The following CREM variants were observed in gnomAD, a reference collection of about 807,000 sequenced individuals.
The protein encoded by CREM is cAMP responsive element modulator.
A neutral mutation model predicts 37.3 loss-of-function variants in CREM; 13 were observed. That is an observed-to-expected ratio of 0.35 (90% CI 0.23 to 0.55). The LOEUF is 0.55. Ranked by LOEUF, CREM falls within the 20% of genes least tolerant of loss-of-function variation. The pLI is 0.88. For synonymous variants in CREM, 124 were observed against 120.2 expected (o/e 1.03, Z -0.21); for missense variants, 296 against 362.3 (o/e 0.82, Z 1.49).
chr10:35,170,982 T>C (rs1564869212), intron 3 of CREM, among the ~76,000 whole-genome samples: 1 of 152,106 alleles, frequency 6.6e-6, no homozygotes, highest in Non-Finnish European at 1.5e-5. Context: ...TTCTCAGCCT[T>C]TATTTTAGCA....
chr10:35,178,802 G>A (rs750574213), intron 3 of CREM, 87 bp from the exon 4 acceptor site: 33 of 996,578 alleles, frequency 3.3e-5, no homozygotes, highest in Non-Finnish European at 4.6e-5. Context: ...GCTCAGTGCT[G>A]CACACACAGA....
Position 35,165,400 on chromosome 10 carries a change from T to C in CREM, c.169-13489T>C, listed in dbSNP as rs1248100476. Among the ~76,000 whole-genome samples the C allele has an allele frequency of 2.0e-5, 3 of 152,176 alleles. No homozygotes were observed. The East Asian group carries it at 5.8e-4, about 29-fold the overall frequency. ...AGGCCCCACCTCCAACATTGAGGATTATATTTCAACATGAGATTGGGAGCG... is the reference window on the plus strand; with the variant it reads ...AGGCCCCACCTCCAACATTGAGGATCATATTTCAACATGAGATTGGGAGCG... On this transcript the variant is annotated intron_variant, in intron 3 of 7. Transcript: ENST00000685392.
intron 3 of CREM, among the ~76,000 whole-genome samples, chr10:35,173,889 A>T (rs1464227516): frequency 1.3e-5 from 2 of 152,214 alleles, no homozygotes; most frequent in Admixed American, 1.3e-4. Context: ...CCTGAGACTA[A>T]AATATTTGAG....
At chr10:35,184,496 G>A (rs1590093912) in intron 5 of CREM, among the ~76,000 whole-genome samples, 2 of 152,124 alleles carry the variant, frequency 1.3e-5, no homozygotes, top group East Asian at 3.8e-4. Context: ...TCAATGGGAA[G>A]GTCCTCTGTC....
rs144237779 is a variant in CREM at position 35,195,040 on chromosome 10, G to A, written c.598+6652G>A. On this transcript the variant is annotated intron_variant, in intron 6 of 7. Coordinates refer to ENST00000685392, the MANE Select transcript of CREM (RefSeq NM_183011.2). Reference sequence around the variant, plus strand: ...GGCTTGGGTTTCAGTGAGCTCGCCTGTGACAAAGCAAATTGATGGCAGTGA... The same window carrying A: ...GGCTTGGGTTTCAGTGAGCTCGCCTATGACAAAGCAAATTGATGGCAGTGA... The A allele has an allele frequency of 7.0e-6, 5 of 713,986 alleles. No homozygotes were observed. The African/African-American group carries it at 7.4e-5, about 11-fold the overall frequency. The allele number at this position is 713,986 out of a possible 1,614,324, so 44.2% of individuals were successfully genotyped here.
chr10:35,180,632 A>G (rs1385356075), intron 5 of CREM, among the ~76,000 whole-genome samples: 1 of 152,222 alleles, frequency 6.6e-6, no homozygotes, highest in East Asian at 1.9e-4. Flanking sequence ...ACCATCTGTA[A>G]GAAATAGACC....
chr10:35,132,170 C>T (rs1192561892), intron 1 of CREM, among the ~76,000 whole-genome samples: 2 of 142,062 alleles, frequency 1.4e-5, no homozygotes, highest in African/African-American at 2.6e-5. Flanking sequence ...TACTGCACTC[C>T]ATCCTGGGTG....
chr10:35,176,982 A>G (rs2094121991), intron 3 of CREM, among the ~76,000 whole-genome samples: 2 of 152,154 alleles, frequency 1.3e-5, no homozygotes, highest in East Asian at 1.9e-4. Flanking sequence ...TGCATTTTTT[A>G]AAGTATGCAT....
intron 3 of CREM, among the ~76,000 whole-genome samples, chr10:35,159,275 G>GAA (rs148739569): frequency 6.9e-6 from 1 of 145,924 alleles, no homozygotes; most frequent in Non-Finnish European, 1.5e-5. Flanking sequence ...TGTCATGCAG[G>GAA]AAAAAAAAAA....
chr10:35,175,876 C>G (rs1300475817), intron 3 of CREM: 1 of 1,564,756 alleles, frequency 6.4e-7, no homozygotes, highest in South Asian at 1.2e-5. Context: ...GATCAGGCAC[C>G]AGAAGAGGCT....
At chr10:35,129,622 G>C (rs2088904981) in intron 1 of CREM, among the ~76,000 whole-genome samples, 1 of 152,180 alleles carries the variant, frequency 6.6e-6, no homozygotes, top group South Asian at 2.1e-4. Context: ...GCTCTCAAAT[G>C]TCCTGTTCCT....
chr10:35,143,361 G>T (rs1048684675), intron 2 of CREM, among the ~76,000 whole-genome samples: 1 of 152,176 alleles, frequency 6.6e-6, no homozygotes, highest in Non-Finnish European at 1.5e-5. Context: ...AAAGTGGTGT[G>T]GAGATCTCAG....
Position 35,188,480 on chromosome 10 carries a change from G to A in CREM, c.598+92G>A, listed in dbSNP as rs185832092. The A allele has an allele frequency of 3.9e-4, 455 of 1,164,780 alleles. 2 individuals are homozygous for A. Among genetic ancestry groups the A allele is most frequent in the Middle Eastern group, 3.3e-3 (11 of 3,384 alleles). The allele number at this position is 1,164,780 out of a possible 1,614,324, so 72.2% of individuals were successfully genotyped here. ...ATTTTATAGTTTTTTGAAATAGATC[G>A]AAGGTAGATGGTGGGGGGTTGGGAG... On this transcript the variant is annotated intron_variant, in intron 6 of 7. Transcript: ENST00000685392.
intron 6 of CREM, among the ~76,000 whole-genome samples, chr10:35,199,527 A>G (rs1182924682): frequency 6.6e-6 from 1 of 152,240 alleles, no homozygotes; most frequent in Non-Finnish European, 1.5e-5. Context: ...CAAAGAAACT[A>G]TCAGATTGTG....
rs774939676 is a variant in CREM, at chr10:35,179,242, A to G, written c.375A>G (p.Pro125=). The change falls in exon 5 of 8, where the codon CCA becomes CCG. Residue 125 remains proline, a synonymous_variant. Coordinates refer to ENST00000685392, the MANE Select transcript of CREM (RefSeq NM_183011.2). ...TPPSIATMAV[P]TSIYQTSTGQ... is the part of the protein sequence containing the mutation. ...CTAGTATTGCTACCATGGCAGTACC[A>G]ACTAGCATATATCAGACTAGCACGG... The G allele has an allele frequency of 6.2e-7, 1 of 1,613,944 alleles. No homozygotes were observed. Among genetic ancestry groups the G allele is most frequent in the Non-Finnish European group, 8.5e-7 (1 of 1,179,904 alleles).
rs187479788 is a variant in CREM, at chr10:35,153,061, C to G, written c.168+4570C>G. On this transcript the variant is annotated intron_variant, in intron 3 of 7. Coordinates refer to ENST00000685392, the MANE Select transcript of CREM (RefSeq NM_183011.2). Reference sequence around the variant, plus strand: ...TCAAGACCAGCTTGAGAGCTTGTCTCTTTAATAAAAAATAAATTAATACAA... The same window carrying G: ...TCAAGACCAGCTTGAGAGCTTGTCTGTTTAATAAAAAATAAATTAATACAA... Among the ~76,000 whole-genome samples the G allele has an allele frequency of 5.3e-3, 773 of 147,084 alleles. 6 individuals carry two copies. The highest frequency in any genetic ancestry group is 5.8e-3 in the Non-Finnish European group (383 of 65,614).
chr10:35,197,970 A>G (rs1315193901), intron 6 of CREM, among the ~76,000 whole-genome samples: 1 of 152,174 alleles, frequency 6.6e-6, no homozygotes. Flanking sequence ...CTATGTGTGT[A>G]TGTACCCTAC....
chr10:35,129,848 ATAGT>A (rs1203353697), intron 1 of CREM, among the ~76,000 whole-genome samples: 1 of 152,220 alleles, frequency 6.6e-6, no homozygotes, highest in Non-Finnish European at 1.5e-5. Context: ...AGCTTTGAAA[ATAGT>A]TATTATTGTA....
intron 5 of CREM, among the ~76,000 whole-genome samples, chr10:35,182,209 A>G (rs2133289839): frequency 6.6e-6 from 1 of 152,304 alleles, no homozygotes; most frequent in Non-Finnish European, 1.5e-5. Context: ...ATCCATTTTT[A>G]TTGATCTTAT....
Sources: gnomAD v4.1 joint callset for allele counts (sites outside exome capture counted in the v4.1 genomes callset) on GRCh38, gnomAD v4.1.1 for gene constraint, MANE v1.5 for transcripts, NCBI Gene and HGNC (gene_info 2026-07-23, HGNC 2026-07-21) for gene names.